Variants in ZCCHC7 observed in about 807,000 individuals in gnomAD.
ZCCHC7 encodes zinc finger CCHC domain-containing protein 7.
Under a neutral mutation model 52.0 loss-of-function variants are expected in ZCCHC7, and 35 were observed. That is an observed-to-expected ratio of 0.67 (90% CI 0.51 to 0.89). The LOEUF is 0.89. Among genes scored for constraint, ZCCHC7 ranks in the 40% least tolerant of loss-of-function variants. The pLI, the probability that ZCCHC7 is intolerant of heterozygous loss-of-function variation, is 0.00. For missense variants in ZCCHC7, 574 were observed against 649.1 expected (o/e 0.88, Z 1.26); for synonymous variants, 217 against 221.5 (o/e 0.98, Z 0.18).
chr9:37,171,881 G>A (rs1158514244), intron 2 of ZCCHC7, among the ~76,000 whole-genome samples: 2 of 151,956 alleles, frequency 1.3e-5, no homozygotes, highest in Non-Finnish European at 2.9e-5. Flanking sequence ...ATGTTTTTCA[G>A]ATGGAAAAAA....
intron 2 of ZCCHC7, among the ~76,000 whole-genome samples, chr9:37,159,590 A>G (rs570686405): frequency 3.9e-4 from 60 of 152,274 alleles, no homozygotes; most frequent in African/African-American, 1.3e-3. Flanking sequence ...CTGTATCTCA[A>G]TGATTTTTGA....
chr9:37,221,432 A>C (rs183389816), intron 2 of ZCCHC7, among the ~76,000 whole-genome samples: 2 of 152,328 alleles, frequency 1.3e-5, no homozygotes, highest in Admixed American at 1.3e-4. Context: ...ATGGCTATGG[A>C]TAATCATGTA....
intron 5 of ZCCHC7, chr9:37,326,911 A>G (rs1159131857): frequency 1.3e-5 from 2 of 152,052 alleles, no homozygotes; most frequent in African/African-American, 2.4e-5. Flanking sequence ...TGGTGTTTTA[A>G]TTTATTCCAA....
chr9:37,204,909 G>T (rs1823823445), intron 2 of ZCCHC7, among the ~76,000 whole-genome samples: 1 of 152,140 alleles, frequency 6.6e-6, no homozygotes, highest in Non-Finnish European at 1.5e-5. Context: ...TTGATCATGG[G>T]CAAAGCACTT....
At chr9:37,353,449 T>G (rs1427535224) in intron 7 of ZCCHC7, among the ~76,000 whole-genome samples, 1 of 152,178 alleles carries the variant, frequency 6.6e-6, no homozygotes, top group Non-Finnish European at 1.5e-5. Context: ...CACTGTTCAT[T>G]GGAATATTCA....
intron 2 of ZCCHC7, among the ~76,000 whole-genome samples, chr9:37,252,391 A>G (rs1021702348): frequency 8.5e-5 from 13 of 152,222 alleles, no homozygotes; most frequent in Non-Finnish European, 1.6e-4. Flanking sequence ...AATGAGCCAG[A>G]ACCAAAATAG....
chr9:37,252,345 T>C (rs1043034888), intron 2 of ZCCHC7, among the ~76,000 whole-genome samples: 2 of 152,334 alleles, frequency 1.3e-5, no homozygotes, highest in Admixed American at 6.5e-5. Flanking sequence ...CTATCTTCAA[T>C]TTTTGCCTAA....
chr9:37,283,127 T>C (rs1828051584), intron 2 of ZCCHC7, among the ~76,000 whole-genome samples: 1 of 152,228 alleles, frequency 6.6e-6, no homozygotes, highest in East Asian at 1.9e-4. Flanking sequence ...TTGGCGTAGT[T>C]GCTTGCAGTC....
chr9:37,303,216 G>A (rs1009071669), intron 3 of ZCCHC7, among the ~76,000 whole-genome samples: 1 of 152,120 alleles, frequency 6.6e-6, no homozygotes, highest in African/African-American at 2.4e-5. Flanking sequence ...CCTGAGGTCA[G>A]GAGTTCGAAA....
intron 2 of ZCCHC7, among the ~76,000 whole-genome samples, chr9:37,242,864 G>A (rs1825932432): frequency 6.6e-6 from 1 of 151,760 alleles, no homozygotes; most frequent in South Asian, 2.1e-4. Context: ...ACTTCAGGAA[G>A]CAATTCTTTG....
At chr9:37,260,061 T>C (rs922743586) in intron 2 of ZCCHC7, among the ~76,000 whole-genome samples, 3 of 152,248 alleles carry the variant, frequency 2.0e-5, no homozygotes, top group East Asian at 1.9e-4. Context: ...AATTCTGATA[T>C]ATTTTTGGTG....
chr9:37,288,621 C>T (rs897820188), intron 2 of ZCCHC7, among the ~76,000 whole-genome samples: 1 of 152,124 alleles, frequency 6.6e-6, no homozygotes, highest in Non-Finnish European at 1.5e-5. Flanking sequence ...TCCATCCAAA[C>T]TTCTCTTAAT....
chr9:37,257,370 A>G (rs1321261239), intron 2 of ZCCHC7, among the ~76,000 whole-genome samples: 2 of 152,226 alleles, frequency 1.3e-5, no homozygotes, highest in Non-Finnish European at 2.9e-5. Flanking sequence ...TACCTTCAGT[A>G]GAACAATCCT....
At chr9:37,299,762 G>A (rs959699020) in intron 2 of ZCCHC7, among the ~76,000 whole-genome samples, 1 of 152,142 alleles carries the variant, frequency 6.6e-6, no homozygotes, top group African/African-American at 2.4e-5. Flanking sequence ...ATACTGACTT[G>A]ATCTATTGTT....
At chr9:37,318,763 A>AAC (rs1829931815) in intron 5 of ZCCHC7, among the ~76,000 whole-genome samples, 1 of 151,740 alleles carries the variant, frequency 6.6e-6, no homozygotes, top group Non-Finnish European at 1.5e-5. Context: ...AAATACAAAA[A>AAC]TTAGCCAGGC....
chr9:37,227,464 A>G (rs1292742555), intron 2 of ZCCHC7, among the ~76,000 whole-genome samples: 1 of 152,210 alleles, frequency 6.6e-6, no homozygotes, highest in African/African-American at 2.4e-5. Context: ...TTTCAAATAT[A>G]TGGAGAATGT....
intron 2 of ZCCHC7, among the ~76,000 whole-genome samples, chr9:37,275,592 A>G (rs1328208929): frequency 6.6e-6 from 1 of 151,932 alleles, no homozygotes; most frequent in Admixed American, 6.6e-5. Flanking sequence ...GTTTTTCCCT[A>G]TGGTATGTTT....
chr9:37,304,118 C>G, intron 3 of ZCCHC7, 70 bp from the exon 4 acceptor site: 1 of 1,467,362 alleles, frequency 6.8e-7, no homozygotes, highest in Non-Finnish European at 9.3e-7. Context: ...TTGTCTTTAA[C>G]AAGAGTAGTA....
intron 2 of ZCCHC7, among the ~76,000 whole-genome samples, chr9:37,259,486 A>C (rs1432345724): frequency 6.6e-6 from 1 of 152,182 alleles, no homozygotes; most frequent in Non-Finnish European, 1.5e-5. Flanking sequence ...ATGCAAGATT[A>C]CAAATATTTT....
Sources: gnomAD v4.1 joint callset for allele counts (sites outside exome capture counted in the v4.1 genomes callset) on GRCh38, gnomAD v4.1.1 for gene constraint, MANE v1.5 for transcripts, NCBI Gene and HGNC (gene_info 2026-07-23, HGNC 2026-07-21) for gene names.